USP15: variants seen among roughly 807,000 people sequenced by gnomAD.
The protein encoded by USP15 is ubiquitin specific peptidase 15, also known as ubiquitin carboxyl-terminal hydrolase 15.
Under a neutral mutation model 127.1 loss-of-function variants are expected in USP15, and 18 were observed. That is an observed-to-expected ratio of 0.14 (90% confidence interval 0.10 to 0.21). USP15 has a LOEUF of 0.21. Ranked by LOEUF, USP15 falls within the 10% of genes least tolerant of loss-of-function variation. USP15 has a pLI of 1.00. For missense variants in USP15, 805 were observed against 1,159.9 expected (o/e 0.69, Z 4.44); for synonymous variants, 364 against 393.7 (o/e 0.92, Z 0.89).
chr12:62,302,351 A>G (rs920891525), intron 2 of USP15, among the ~76,000 whole-genome samples: 4 of 152,204 alleles, frequency 2.6e-5, no homozygotes, highest in African/African-American at 7.2e-5. Flanking sequence ...CAGTTACTCC[A>G]TAGTATTTTT....
chr12:62,354,368 T>G (rs902418313), intron 7 of USP15, among the ~76,000 whole-genome samples: 22 of 151,982 alleles, frequency 1.4e-4, no homozygotes, highest in Admixed American at 3.9e-4. Context: ...GCTGTTCTAT[T>G]TATAGCATCA....
rs374584354 is a variant in USP15 at position 62,381,600 on chromosome 12, T to C, written c.1026T>C (p.Tyr342=). ...LGMRGEIAKS[Y]AELIKQMWSG... Reference sequence around the variant, plus strand: ...TGAGAGGTGAAATAGCTAAATCTTATGCCGAACTGATCAAGCAAATGTGGT... The same window carrying C: ...TGAGAGGTGAAATAGCTAAATCTTACGCCGAACTGATCAAGCAAATGTGGT... Residue 342 remains tyrosine (Y), a synonymous_variant, in exon 9 of 22, where the codon TAT becomes TAC. Coordinates refer to ENST00000280377, the MANE Select transcript of USP15 (RefSeq NM_001252078.2). The C allele has an allele frequency of 3.1e-6, 5 of 1,613,010 alleles. No homozygotes were observed. The African/African-American group carries it at 6.7e-5, about 22-fold the overall frequency.
intron 6 of USP15, among the ~76,000 whole-genome samples, chr12:62,338,013 G>A (rs998575625): frequency 6.6e-6 from 1 of 152,114 alleles, no homozygotes; most frequent in African/African-American, 2.4e-5. Context: ...GGATTGCTGG[G>A]GCAAATGGTA....
In USP15 at chr12:62,314,773, T is replaced by C. The variant is rs1201813586; in HGVS notation, c.349-17T>C. ...TTGATATAGGTGACACTGATTTGTT[T>C]TGTTTCATTATTTTAGGTGGTTGAA... is the stretch of plus-strand genomic sequence containing the variant. On this transcript the variant is annotated splice_polypyrimidine_tract_variant and intron_variant, in intron 3 of 21. Transcript: ENST00000280377. 1 of 1,536,218 alleles carries C rather than the reference T, an allele frequency of 6.5e-7. No individual in the cohort carries two copies. Among genetic ancestry groups the C allele is most frequent in the Admixed American group, 2.0e-5 (1 of 49,852 alleles).
In USP15 at chr12:62,269,931, C is replaced by T. The variant is rs545080445; in HGVS notation, c.89+9428C>T. 1.9e-4 allele frequency among the ~76,000 whole-genome samples: 29 copies of T among 152,044 alleles called. No individual in the cohort carries two copies. In the South Asian group the frequency reaches 5.2e-3, roughly 27 times the overall value. ...TACCTGTAAGTGGAATTGCTAGGTC[C>T]CTGTTTAACTTTTTAAGGAACTGCT... On this transcript the variant is annotated intron_variant, in intron 1 of 21. Transcript: ENST00000280377.
At chr12:62,344,932 C>G (rs1051836260) in intron 6 of USP15, among the ~76,000 whole-genome samples, 2 of 152,202 alleles carry the variant, frequency 1.3e-5, no homozygotes, top group Non-Finnish European at 2.9e-5. Flanking sequence ...CAGGGTGGTC[C>G]TGGGCCCAGC....
At chr12:62,367,463 G>A (rs868287834) in intron 8 of USP15, among the ~76,000 whole-genome samples, 7 of 152,034 alleles carry the variant, frequency 4.6e-5, no homozygotes, top group African/African-American at 1.7e-4. Context: ...TCCTGACCTC[G>A]TGATCCGCCT....
At chr12:62,285,290 C>T (rs951443511) in intron 1 of USP15, among the ~76,000 whole-genome samples, 4 of 152,032 alleles carry the variant, frequency 2.6e-5, no homozygotes, top group African/African-American at 7.2e-5. Context: ...CTGTTATTCA[C>T]GCTCTATGTG....
At chr12:62,276,331 TTTAA>T (rs2063489047) in intron 1 of USP15, among the ~76,000 whole-genome samples, 1 of 152,158 alleles carries the variant, frequency 6.6e-6, no homozygotes, top group Non-Finnish European at 1.5e-5. Flanking sequence ...CACAAAACAA[TTTAA>T]TTACTACTCT....
chr12:62,297,012 T>G (rs564171019), intron 2 of USP15, among the ~76,000 whole-genome samples: 1 of 152,292 alleles, frequency 6.6e-6, no homozygotes, highest in East Asian at 1.9e-4. Context: ...TTGCTGCAGC[T>G]GGAAGGCTCT....
At chr12:62,260,679 AG>A (rs1220824001) in intron 1 of USP15, among the ~76,000 whole-genome samples, 176 bp downstream of exon 1, 2 of 151,950 alleles carry the variant, frequency 1.3e-5, no homozygotes, top group Non-Finnish European at 2.9e-5. Flanking sequence ...ACTCTAGATG[AG>A]GGTCAGGGTT....
chr12:62,345,563 TG>T (rs2065790863), intron 6 of USP15, among the ~76,000 whole-genome samples: 1 of 152,194 alleles, frequency 6.6e-6, no homozygotes, highest in Non-Finnish European at 1.5e-5. Context: ...CCAACCTCTC[TG>T]CCTATTACCC....
At chr12:62,387,457 A>G (rs1342558921) in intron 11 of USP15, among the ~76,000 whole-genome samples, 1 of 152,182 alleles carries the variant, frequency 6.6e-6, no homozygotes, top group African/African-American at 2.4e-5. Context: ...ACTCTAAAGA[A>G]CAATGTAGGA....
intron 1 of USP15, among the ~76,000 whole-genome samples, chr12:62,274,822 C>T (rs1403494709): frequency 6.6e-6 from 1 of 152,032 alleles, no homozygotes. Context: ...AGATTTTAAA[C>T]AGAAGTGAGA....
intron 1 of USP15, among the ~76,000 whole-genome samples, chr12:62,273,596 TAAG>T (rs1325771557): frequency 6.6e-6 from 1 of 152,100 alleles, no homozygotes; most frequent in African/African-American, 2.4e-5. Flanking sequence ...TTTCAGGAGA[TAAG>T]AATATATATA....
At chr12:62,388,525 T>C (rs1036749256) in intron 11 of USP15, among the ~76,000 whole-genome samples, 3 of 152,196 alleles carry the variant, frequency 2.0e-5, no homozygotes, top group African/African-American at 7.2e-5. Flanking sequence ...AAAGGATCAA[T>C]TGATATTGGG....
chr12:62,298,432 C>T (rs1053659329), intron 2 of USP15, among the ~76,000 whole-genome samples: 28 of 152,020 alleles, frequency 1.8e-4, no homozygotes, highest in African/African-American at 6.8e-4. Flanking sequence ...TTTGGGAGGC[C>T]GAGGCAGGAG....
At chr12:62,292,051 G>C (rs1039029768) in intron 1 of USP15, among the ~76,000 whole-genome samples, 1 of 151,566 alleles carries the variant, frequency 6.6e-6, no homozygotes, top group East Asian at 2.0e-4. Context: ...CTGATGACTG[G>C]CAGAGGCACC....
rs1378887770 is a variant in USP15 at position 62,404,355 on chromosome 12, A to C, written c.2926A>C (p.Asn976His). The C allele has an allele frequency of 1.9e-6, 3 of 1,609,654 alleles. No homozygotes were observed. In the African/African-American group the frequency reaches 4.0e-5, roughly 22 times the overall value. The stretch of plus-strand genomic sequence containing the variant: ...TAATGACAATGATATAGAAAATGAA[A>C]ACTGTATGCACACTAACTAATGAAA... ...NDNDNDIENE[N>H]CMHTN The change falls in exon 22 of 22, where the codon AAC (asparagine) becomes CAC (histidine). Residue 976 changes from asparagine (N) to histidine (H), a missense_variant. Transcript: ENST00000280377.
Sources: gnomAD v4.1 joint callset for allele counts (sites outside exome capture counted in the v4.1 genomes callset) on GRCh38, gnomAD v4.1.1 for gene constraint, MANE v1.5 for transcripts, NCBI Gene and HGNC (gene_info 2026-07-23, HGNC 2026-07-21) for gene names.